The following WWOX variants were observed in gnomAD, a reference collection of about 807,000 sequenced individuals.
The protein encoded by WWOX is WW domain-containing oxidoreductase.
A neutral mutation model predicts 46.2 loss-of-function variants in WWOX; 69 were observed. The ratio of observed to expected loss-of-function variants is 1.49; its 90% CI spans 1.23 to 1.82. The LOEUF (loss-of-function observed/expected upper bound fraction) is 1.82. Ranked by LOEUF, WWOX falls within the 40% of genes most tolerant of loss-of-function variation. The pLI is 0.00. For synonymous variants in WWOX, 359 were observed against 202.6 expected, an observed-to-expected ratio of 1.77 and a Z score of -6.56; for missense variants, 919 against 542.6, an observed-to-expected ratio of 1.69 and a Z score of -6.89.
intron 6 of WWOX, among the ~76,000 whole-genome samples, chr16:78,413,459 G>A (rs2082727361): frequency 6.6e-6 from 1 of 152,204 alleles, no homozygotes; most frequent in Non-Finnish European, 1.5e-5. Flanking sequence ...GGGGCAGCGG[G>A]TGGATCTCAC....
intron 8 of WWOX, among the ~76,000 whole-genome samples, chr16:79,109,819 T>C (rs1189405383): frequency 6.6e-6 from 1 of 152,184 alleles, no homozygotes. Context: ...GCAGGCTCGA[T>C]GATACCTGCA....
chr16:78,635,660 A>G lies in WWOX; in HGVS notation c.1056+202908A>G, dbSNP rs74029600. Among the ~76,000 whole-genome samples the G allele has an allele frequency of 4.0e-3, 607 of 152,288 alleles. 4 individuals are homozygous for G. Among genetic ancestry groups the G allele is most frequent in the African/African-American group, 0.013 (552 of 41,576 alleles). On this transcript the variant is annotated intron_variant, in intron 8 of 8. Transcript: ENST00000566780. ...TGCTAAAAATGCTTGACCAGCATTC[A>G]CACAGGCACTAAGACGGTGAGTACT...
chr16:78,228,085 G>A (rs1448856541), intron 5 of WWOX, among the ~76,000 whole-genome samples: 1 of 152,130 alleles, frequency 6.6e-6, no homozygotes, highest in Non-Finnish European at 1.5e-5. Flanking sequence ...AGAGGAAGCT[G>A]GTTGGCTTTG....
intron 8 of WWOX, among the ~76,000 whole-genome samples, chr16:78,557,689 A>ACTTTTTTTTT (rs2044336297): frequency 1.0e-5 from 1 of 96,648 alleles, no homozygotes; most frequent in Non-Finnish European, 1.9e-5. Context: ...CTAGGGAAGG[A>ACTTTTTTTTT]TTTTTTTTTT....
At chr16:78,206,014 C>G (rs80270624) in intron 5 of WWOX, among the ~76,000 whole-genome samples, 7,123 of 151,220 alleles carry the variant, frequency 0.047, 229 homozygotes, top group Non-Finnish European at 0.065. Flanking sequence ...CCATTATTAA[C>G]TTGCTGGTAT....
chr16:78,492,472 G>A (rs2084807801), intron 8 of WWOX, among the ~76,000 whole-genome samples: 1 of 152,036 alleles, frequency 6.6e-6, no homozygotes, highest in Non-Finnish European at 1.5e-5. Flanking sequence ...AATCCACATT[G>A]GACTGTTTGC....
chr16:78,962,810 C>T (rs554601638), intron 8 of WWOX, among the ~76,000 whole-genome samples: 1 of 152,168 alleles, frequency 6.6e-6, no homozygotes, highest in African/African-American at 2.4e-5. Context: ...GCAAGAAGTA[C>T]CATCAGCATT....
At position 78,432,182 on chromosome 16, in the gene WWOX, A is replaced by G. The variant is rs552763967; in HGVS notation, c.792-306A>G. On this transcript the variant is annotated intron_variant, in intron 7 of 8. Coordinates refer to ENST00000566780, the MANE Select transcript of WWOX (RefSeq NM_016373.4). ...ACCCAGGCTGGAGTGCAGTGGCACA[A>G]TCTTTGCTCACTGCAACCTCTGCCT... Among the ~76,000 whole-genome samples, 256 of 151,830 alleles carry G rather than the reference A, an allele frequency of 1.7e-3. 1 individual carries two copies. Among genetic ancestry groups the G allele is most frequent in the African/African-American group, 5.8e-3 (241 of 41,262 alleles).
At chr16:78,559,725 C>T (rs2044388813) in intron 8 of WWOX, among the ~76,000 whole-genome samples, 1 of 152,154 alleles carries the variant, frequency 6.6e-6, no homozygotes, top group Non-Finnish European at 1.5e-5. Flanking sequence ...CTCACAATAG[C>T]TTCCTGGTAG....
intron 5 of WWOX, among the ~76,000 whole-genome samples, chr16:78,300,452 C>T (rs1051422840): frequency 1.8e-4 from 28 of 152,034 alleles, no homozygotes; most frequent in African/African-American, 6.5e-4. Context: ...TCTCTAATCT[C>T]AGGAGTGAGT....
chr16:78,738,299 G>C (rs1048595502), intron 8 of WWOX, among the ~76,000 whole-genome samples: 2 of 152,074 alleles, frequency 1.3e-5, no homozygotes, highest in Admixed American at 6.5e-5. Flanking sequence ...TTGTGTCTGG[G>C]TGAAACAGAG....
intron 8 of WWOX, among the ~76,000 whole-genome samples, chr16:78,716,627 G>T (rs918011862): frequency 6.6e-6 from 1 of 151,902 alleles, no homozygotes; most frequent in African/African-American, 2.4e-5. Flanking sequence ...ATCTCTATAG[G>T]TTCTGTGATA....
In WWOX at chr16:78,099,959, G is replaced by C; in HGVS notation, c.107+74G>C. 3.3e-6 allele frequency: 5 copies of C among 1,528,314 alleles called. No individual in the cohort carries two copies. In the South Asian group the frequency reaches 4.9e-5, roughly 15 times the overall value. The allele number at this position is 1,528,314 out of a possible 1,614,324, so 94.7% of individuals were successfully genotyped here. On this transcript the variant is annotated intron_variant, in intron 1 of 8. Transcript: ENST00000566780. ...CCCACGGACGCCACCTGCGCGGGGA[G>C]GACGCGCACTCCAGCGCAGCGCGTG...
intron 8 of WWOX, among the ~76,000 whole-genome samples, chr16:78,467,570 A>G (rs17776445): frequency 0.085 from 13,006 of 152,278 alleles, 741 homozygotes; most frequent in East Asian, 0.24. Flanking sequence ...GTCTTTTGTA[A>G]AATGACTTTG....
At chr16:79,119,871 G>T (rs866638936) in intron 8 of WWOX, among the ~76,000 whole-genome samples, 14 of 152,168 alleles carry the variant, frequency 9.2e-5, no homozygotes, top group Non-Finnish European at 2.1e-4. Context: ...TTTTATTAGG[G>T]GTTTACCTAC....
intron 8 of WWOX, among the ~76,000 whole-genome samples, chr16:78,578,160 C>T (rs2044937567): frequency 2.1e-5 from 3 of 145,310 alleles, no homozygotes; most frequent in African/African-American, 7.6e-5. Context: ...TGCTTTTTTG[C>T]CTTTTTGACA....
At chr16:78,727,598 G>C (rs2048867501) in intron 8 of WWOX, among the ~76,000 whole-genome samples, 1 of 152,184 alleles carries the variant, frequency 6.6e-6, no homozygotes. Flanking sequence ...TACTGCTGTA[G>C]TTCATGAAAC....
chr16:78,757,695 T>G, intron 8 of WWOX, among the ~76,000 whole-genome samples: 1 of 151,912 alleles, frequency 6.6e-6, no homozygotes, highest in Non-Finnish European at 1.5e-5. Context: ...CACATTTTAT[T>G]TATATAAATA....
At chr16:78,679,838 T>A (rs370065468) in intron 8 of WWOX, among the ~76,000 whole-genome samples, 1 of 152,188 alleles carries the variant, frequency 6.6e-6, no homozygotes, top group African/African-American at 2.4e-5. Context: ...GTCAACTGTT[T>A]TAGGGGCCAT....
Sources: allele counts gnomAD v4.1 joint callset (sites outside exome capture counted in the v4.1 genomes callset), GRCh38; gene constraint gnomAD v4.1.1; transcripts MANE v1.5; gene names NCBI Gene and HGNC (gene_info 2026-07-23, HGNC 2026-07-21).